The following GLOD5 variants were observed in gnomAD, a reference collection of about 807,000 sequenced individuals.
GLOD5 encodes glyoxalase domain containing 5.
In GLOD5, 7 loss-of-function variants were observed where a neutral mutation model predicts 9.9. The ratio of observed to expected loss-of-function variants is 0.71; its 90% CI spans 0.40 to 1.33. GLOD5 has a LOEUF of 1.33. Ranked by LOEUF, GLOD5 falls within the 40% of genes most tolerant of loss-of-function variation. The probability of loss-of-function intolerance (pLI) is 0.01; values close to 1 mark genes in which losing one functional copy is unlikely to be tolerated. For synonymous variants in GLOD5, 49 were observed against 47.3 expected (o/e 1.04, Z -0.14); for missense variants, 146 against 128.4 (o/e 1.14, Z -0.66).
intron 2 of GLOD5, among the ~76,000 whole-genome samples, chrX:48,768,577 T>TA (rs2062614596): frequency 8.9e-6 from 1 of 111,918 alleles, no homozygotes. Context: ...AAGATGGATG[T>TA]ATCACCAACC....
chrX:48,769,914 G>A (rs1203177909), intron 2 of GLOD5, among the ~76,000 whole-genome samples: 2 of 105,575 alleles, frequency 1.9e-5, no homozygotes, highest in African/African-American at 6.9e-5. Context: ...GGGAGGTTGA[G>A]GCTGCAGTGA....
At chrX:48,766,748 C>CA (rs377024516) in intron 2 of GLOD5, among the ~76,000 whole-genome samples, 80 of 106,074 alleles carry the variant, frequency 7.5e-4, no homozygotes, top group African/African-American at 2.6e-3. Context: ...AAGACTGTAT[C>CA]AAAAAAAATC....
At chrX:48,769,083 T>C (rs782778010) in intron 2 of GLOD5, among the ~76,000 whole-genome samples, 2 of 108,844 alleles carry the variant, frequency 1.8e-5, no homozygotes, top group Non-Finnish European at 3.8e-5. Flanking sequence ...GGATGTGGTA[T>C]CATTCATAGT....
chrX:48,766,273 A>G (rs781796686), intron 2 of GLOD5: 4 of 210,233 alleles, frequency 1.9e-5, no homozygotes, highest in Non-Finnish European at 3.4e-5. Flanking sequence ...TAGAACATCA[A>G]ACTGAAAAAG....
intron 1 of GLOD5, among the ~76,000 whole-genome samples, chrX:48,762,856 T>G (rs2062599835): frequency 8.9e-6 from 1 of 111,815 alleles, no homozygotes. Context: ...CACTCACTCT[T>G]GGGTTCTGAG....
intron 1 of GLOD5, among the ~76,000 whole-genome samples, chrX:48,764,768 C>T (rs782648371): frequency 1.8e-5 from 2 of 110,090 alleles, no homozygotes; most frequent in Non-Finnish European, 3.8e-5. Context: ...TGATCTCAAA[C>T]TCCTAGGTTC....
intron 2 of GLOD5, among the ~76,000 whole-genome samples, chrX:48,767,548 C>T (rs1167106914): frequency 1.8e-5 from 2 of 110,949 alleles, no homozygotes; most frequent in African/African-American, 3.3e-5. Context: ...GAGTTTGAGG[C>T]CAGCCTATAA....
At position 48,761,860 on chromosome X, in the gene GLOD5, A is replaced by C. The variant is rs2062597096; in HGVS notation, c.63+7A>C. On this transcript the variant is annotated splice_region_variant and intron_variant, in intron 1 of 3. Transcript: ENST00000303227. ...CAGGACTTTGGAGAAACAGGTGAAC[A>C]AGATGGCCCCTGGGGATCTGGGGCA... is the stretch of plus-strand genomic sequence containing the variant. 1 of 1,152,940 alleles carries C rather than the reference A, an allele frequency of 8.7e-7. No homozygotes were observed. Among genetic ancestry groups the C allele is most frequent in the South Asian group, 1.9e-5 (1 of 52,135 alleles).
chrX:48,766,589 A>G (rs2062609604), intron 2 of GLOD5, among the ~76,000 whole-genome samples: 2 of 109,750 alleles, frequency 1.8e-5, no homozygotes, highest in African/African-American at 6.6e-5. Context: ...CATCTCTACT[A>G]AAAGTACAAA....
At chrX:48,766,538 G>A (rs1270947828) in intron 2 of GLOD5, among the ~76,000 whole-genome samples, 1 of 109,391 alleles carries the variant, frequency 9.1e-6, no homozygotes, top group African/African-American at 3.3e-5. Flanking sequence ...ATCACTTCAG[G>A]TCAGGAGTTT....
At chrX:48,766,985 C>CAAAAAAAAAAAAAAAAAAAAAAAAAA (rs782648787) in intron 2 of GLOD5, among the ~76,000 whole-genome samples, 92 of 3,014 alleles carry the variant, frequency 0.031, 42 homozygotes, top group Non-Finnish European at 0.036. Context: ...GATTCCATCT[C>CAAAAAAAAAAAAAAAAAAAAAAAAAA]AAAAAAAAAA....
At chrX:48,769,248 A>G (rs781876918) in intron 2 of GLOD5, among the ~76,000 whole-genome samples, 3 of 110,033 alleles carry the variant, frequency 2.7e-5, no homozygotes, top group Admixed American at 9.7e-5. Flanking sequence ...TCACGCCTGC[A>G]ATCCCAACAC....
Position 48,765,704 on chromosome X carries a change from AGGCCTTTCCCCTTGAAGGG to A in GLOD5, c.64-128_64-110del, listed in dbSNP as rs781981106. The A allele has an allele frequency of 5.0e-5, 36 of 715,217 alleles. No individual in the cohort carries two copies. In the East Asian group the frequency reaches 1.1e-3, roughly 22 times the overall value. The allele number at this position is 715,217 out of a possible 1,213,427, so 58.9% of individuals were successfully genotyped here. ...AGACTCTACCAGTAAGTATTCTCTC[AGGCCTTTCCCCTTGAAGGG>A]GGGTGAGGAGGAAGTAGTGTAATTG... On this transcript the variant is annotated intron_variant, in intron 1 of 3. Transcript: ENST00000303227.
At chrX:48,766,136 G>A in intron 2 of GLOD5, 164 bp downstream of exon 2, 2 of 464,653 alleles carry the variant, frequency 4.3e-6, no homozygotes, top group African/African-American at 2.4e-5. Context: ...TCCAGAGAGA[G>A]AATGGAGAAA....
chrX:48,769,822 A>T (rs1470723019), intron 2 of GLOD5, among the ~76,000 whole-genome samples: 7 of 104,964 alleles, frequency 6.7e-5, no homozygotes, highest in African/African-American at 2.1e-4. Flanking sequence ...TACAAAAAAT[A>T]AAAAAAAATT....
chrX:48,766,667 C>T (rs1259445201), intron 2 of GLOD5, among the ~76,000 whole-genome samples: 1 of 110,054 alleles, frequency 9.1e-6, no homozygotes, highest in Non-Finnish European at 1.9e-5. Context: ...ATGAGAATTG[C>T]TTGAGCCTGG....
rs2062627810 is a variant in GLOD5 at position 48,773,345 on chromosome X, C to T, written c.393C>T (p.Pro131=). The stretch of plus-strand genomic sequence containing the variant: ...TCCCTATTGAGGAGGGGCCAGTCCC[C>T]AGAACAGGGGCAAAAGGGCCTATCA... ...CDVPIEEGPV[P]RTGAKGPIMS... Residue 131 remains proline (P), a synonymous_variant, in exon 4 of 4, where the codon CCC becomes CCT. Coordinates refer to ENST00000303227, the MANE Select transcript of GLOD5 (RefSeq NM_001080489.3). 5.0e-6 allele frequency: 6 copies of T among 1,210,496 alleles called. No homozygotes were observed. The highest frequency in any genetic ancestry group is 5.6e-6 in the Non-Finnish European group (5 of 894,329).
chrX:48,771,401 C>T (rs1557017363), intron 3 of GLOD5, among the ~76,000 whole-genome samples: 2 of 108,148 alleles, frequency 1.8e-5, no homozygotes, highest in Non-Finnish European at 3.8e-5. Flanking sequence ...CTGCAACCTC[C>T]ACCTCCTGGG....
At chrX:48,771,177 GATA>G (rs1479740362) in intron 3 of GLOD5, 95 bp downstream of exon 3, 5 of 605,044 alleles carry the variant, frequency 8.3e-6, no homozygotes, top group Non-Finnish European at 1.2e-5. Flanking sequence ...ACCACAACCA[GATA>G]ATGTCTGCAC....
Sources: allele counts gnomAD v4.1 joint callset (sites outside exome capture counted in the v4.1 genomes callset), GRCh38; gene constraint gnomAD v4.1.1; transcripts MANE v1.5; gene names NCBI Gene and HGNC (gene_info 2026-07-23, HGNC 2026-07-21).